ZNF217: variants seen among roughly 807,000 people sequenced by gnomAD.
ZNF217 encodes zinc finger protein 217.
Under a neutral mutation model 73.3 loss-of-function variants are expected in ZNF217, and 12 were observed. The observed-to-expected ratio is 0.16, with a 90% CI of 0.10 to 0.27. The LOEUF is 0.27. Among genes scored for constraint, ZNF217 ranks in the 10% least tolerant of loss-of-function variants. ZNF217 has a pLI of 1.00. For missense variants in ZNF217, 1,195 were observed against 1,327.8 expected (o/e 0.90, Z 1.55); for synonymous variants, 588 against 516.4 (o/e 1.14, Z -1.88).
rs1351766114 is a variant in ZNF217, at chr20:53,581,858, G to A, written c.969C>T (p.Asp323=). ...VKESGQEGST[D]NDDSSSEKEL... ...CCTTCTCGGAACTCGAATCGTCGTTGTCGGTGCTCCCTTCTTGCCCCGATT... is the reference window on the plus strand; with the variant it reads ...CCTTCTCGGAACTCGAATCGTCGTTATCGGTGCTCCCTTCTTGCCCCGATT... Residue 323 remains aspartate, a synonymous_variant, in exon 2 of 6, where the codon GAC becomes GAT. Coordinates refer to ENST00000371471, the MANE Select transcript of ZNF217 (RefSeq NM_006526.3). The surrounding 1 kb of genome is among the most constrained non-coding windows in gnomAD (Gnocchi z 4.9). 1.2e-6 allele frequency: 2 copies of A among 1,614,116 alleles called. No homozygotes were observed. Among genetic ancestry groups the A allele is most frequent in the East Asian group, 2.2e-5 (1 of 44,894 alleles).
chr20:53,585,317 T>C (rs1988657761), intron 1 of ZNF217, among the ~76,000 whole-genome samples: 1 of 152,082 alleles, frequency 6.6e-6, no homozygotes. Flanking sequence ...CCCAATGCTT[T>C]GGGAAGCCGA....
At position 53,581,762 on chromosome 20, in the gene ZNF217, G is replaced by A. The variant is rs777028128; in HGVS notation, c.1065C>T (p.His355=). The A allele has an allele frequency of 1.3e-5, 21 of 1,614,134 alleles. No homozygotes were observed. The highest frequency in any genetic ancestry group is 3.3e-5 in the Admixed American group (2 of 60,012). ...SQEKEKCKHS[H]GEAPSVDADP... ...CCGCGTCCACGGAGGGCGCTTCGCC[G>A]TGGGAGTGTTTGCACTTCTCTTTCT... Residue 355 remains histidine, a synonymous_variant, in exon 2 of 6, where the codon CAC becomes CAT. Transcript: ENST00000371471. This position sits in a 1 kb window ranked among gnomAD's most constrained non-coding sequence, Gnocchi z 4.9.
chr20:53,573,199 C>T (rs958001056), intron 4 of ZNF217, among the ~76,000 whole-genome samples: 2 of 151,130 alleles, frequency 1.3e-5, no homozygotes, highest in Admixed American at 6.6e-5. Context: ...CTCAGCTCAC[C>T]GCAACCTCCA....
At chr20:53,580,732 A>C (rs1372455883) in intron 2 of ZNF217, among the ~76,000 whole-genome samples, 1 of 152,206 alleles carries the variant, frequency 6.6e-6, no homozygotes, top group Non-Finnish European at 1.5e-5. Flanking sequence ...ATGACAAATC[A>C]TTTGGGTTCC....
At chr20:53,594,721 G>T (rs1022372034), upstream of ZNF217, among the ~76,000 whole-genome samples, 2 of 152,130 alleles carry the variant, frequency 1.3e-5, no homozygotes, top group African/African-American at 4.8e-5. Flanking sequence ...AGGTGTGCGC[G>T]GGCGAGGGGA....
chr20:53,589,272 G>T (rs1012474061), intron 1 of ZNF217, among the ~76,000 whole-genome samples: 3 of 152,208 alleles, frequency 2.0e-5, no homozygotes, highest in African/African-American at 7.2e-5. Context: ...GGCTAAGTAA[G>T]GAATCCAACT....
In ZNF217 at chr20:53,568,993, G is replaced by T; in HGVS notation, c.*295C>A. On this transcript the variant is annotated 3_prime_UTR_variant, in exon 6 of 6. Transcript: ENST00000371471. Reference sequence around the variant, plus strand: ...TATGCAAAAATTCCACTTCTTATTTGGTCAATTCTAAGAAAAATATTATTC... The same window carrying T: ...TATGCAAAAATTCCACTTCTTATTTTGTCAATTCTAAGAAAAATATTATTC... 3 of 587,452 alleles carry T rather than the reference G, an allele frequency of 5.1e-6. No individual in the cohort carries two copies. In the South Asian group the frequency reaches 2.0e-4, roughly 38 times the overall value. 36.4% of individuals were successfully genotyped at this position (587,452 alleles called of 1,614,324 possible).
At chr20:53,592,877 C>T (rs917528326) in intron 1 of ZNF217, among the ~76,000 whole-genome samples, 1 of 151,366 alleles carries the variant, frequency 6.6e-6, no homozygotes, top group African/African-American at 2.4e-5. Flanking sequence ...AGCAGCAGCA[C>T]TTTTGGGCTA....
chr20:53,580,028 G>A (rs1361341010), intron 2 of ZNF217, among the ~76,000 whole-genome samples: 1 of 152,226 alleles, frequency 6.6e-6, no homozygotes, highest in Non-Finnish European at 1.5e-5. Flanking sequence ...CCCTGCAACA[G>A]TACCGGCACT....
chr20:53,586,734 A>C (rs1273536343), intron 1 of ZNF217, among the ~76,000 whole-genome samples: 1 of 152,268 alleles, frequency 6.6e-6, no homozygotes, highest in Non-Finnish European at 1.5e-5. Flanking sequence ...AGCAAAATAG[A>C]AATTCTAATC....
intron 5 of ZNF217, chr20:53,570,557 C>A (rs1987950863): frequency 6.6e-6 from 1 of 152,582 alleles, no homozygotes; most frequent in African/African-American, 2.4e-5. Flanking sequence ...ATAGTATAAC[C>A]TGTACACAGA....
chr20:53,586,939 C>A (rs574736035), intron 1 of ZNF217, among the ~76,000 whole-genome samples: 3 of 152,362 alleles, frequency 2.0e-5, no homozygotes, highest in South Asian at 2.1e-4. Context: ...ACACTATAAT[C>A]TAAATGCTTC....
chr20:53,575,483 G>A, intron 4 of ZNF217: 2 of 415,816 alleles, frequency 4.8e-6, no homozygotes, highest in East Asian at 3.8e-5. Flanking sequence ...TAAAAATAAA[G>A]TAAGACTAAA....
At chr20:53,573,808 T>C (rs750386618) in intron 4 of ZNF217, among the ~76,000 whole-genome samples, 7 of 152,200 alleles carry the variant, frequency 4.6e-5, no homozygotes, top group South Asian at 4.1e-4. Context: ...TGGTGGCTCA[T>C]GCTTGTAATC....
chr20:53,594,364 C>T (rs1453372319), upstream of ZNF217, among the ~76,000 whole-genome samples: 2 of 148,908 alleles, frequency 1.3e-5, no homozygotes, highest in African/African-American at 4.9e-5. Flanking sequence ...CCTTCACCGG[C>T]CGCCCGGCCA....
chr20:53,575,901 A>G lies in ZNF217; in HGVS notation c.2863T>C (p.Leu955=). Residue 955 remains leucine, a synonymous_variant, in exon 4 of 6, where the codon TTA becomes CTA. Coordinates refer to ENST00000371471, the MANE Select transcript of ZNF217 (RefSeq NM_006526.3). The stretch of plus-strand genomic sequence containing the variant: ...GACGGATACACACAGTCCTGCGGTA[A>G]CAGTGATGTGATGCCTCTGACCATA... The part of the protein sequence containing the change: ...YHMVRGITSL[L]PQDCVYPSQA... The G allele has an allele frequency of 6.2e-7, 1 of 1,614,210 alleles. No individual in the cohort carries two copies. Among genetic ancestry groups the G allele is most frequent in the Non-Finnish European group, 8.5e-7 (1 of 1,180,032 alleles).
chr20:53,576,145 G>A lies in ZNF217; in HGVS notation c.2619C>T (p.Leu873=), dbSNP rs756974353. 1.4e-5 allele frequency: 23 copies of A among 1,614,088 alleles called. No individual in the cohort carries two copies. Among genetic ancestry groups the A allele is most frequent in the Middle Eastern group, 1.6e-4 (1 of 6,084 alleles). ...TGGAACCATTGATGTTACTGCTGCC[G>A]AGGGTGGGCTGAGAAGGAGCTACTG... is the stretch of plus-strand genomic sequence containing the variant. The part of the protein sequence containing the change: ...PLPVAPSQPT[L]GSSNINGSID... The change falls in exon 4 of 6, where the codon CTC becomes CTT. Residue 873 remains leucine, a synonymous_variant. Transcript: ENST00000371471.
Position 53,581,611 on chromosome 20 carries a change from C to G in ZNF217, c.1216G>C (p.Glu406Gln). The G allele has an allele frequency of 6.2e-7, 1 of 1,614,216 alleles. No homozygotes were observed. The highest frequency in any genetic ancestry group is 2.2e-5 in the East Asian group (1 of 44,884). Residue 406 changes from glutamate to glutamine, a missense_variant, in exon 2 of 6, where the codon GAG becomes CAG. Glu to Gln is a conservative substitution (Grantham distance 29). Around this residue, in one of 9 missense-constraint regions of ZNF217, gnomAD observed 116 missense variants for 121.9 expected, o/e 0.95. Coordinates refer to ENST00000371471, the MANE Select transcript of ZNF217 (RefSeq NM_006526.3). The surrounding 1 kb of genome is among the most constrained non-coding windows in gnomAD (Gnocchi z 4.9). The stretch of plus-strand genomic sequence containing the variant: ...CCGTCCACAGACATGGTGGGCGACT[C>G]CGCGCCGGCCCTCCGGTCCTTCTTG... The part of the protein sequence containing the change: ...VHKKDRRAGA[E>Q]SPTMSVDGRQ...
At chr20:53,570,569 A>T (rs1987951409) in intron 5 of ZNF217, 1 of 152,660 alleles carries the variant, frequency 6.6e-6, no homozygotes. Flanking sequence ...GTACACAGAC[A>T]TCACACCTTC....
Sources: gnomAD v4.1 joint callset for allele counts (sites outside exome capture counted in the v4.1 genomes callset) on GRCh38, gnomAD v4.1.1 for gene constraint, gnomAD v4.1.1 regional missense constraint, Gnocchi (gnomAD v3.1) non-coding constraint, MANE v1.5 for transcripts, NCBI Gene and HGNC (gene_info 2026-07-23, HGNC 2026-07-21) for gene names.